Variants in ATXN1 observed in about 807,000 individuals in gnomAD.
The protein encoded by ATXN1 is ataxin 1, also known as ataxin-1.
A neutral mutation model predicts 56.4 loss-of-function variants in ATXN1; 8 were observed. The observed-to-expected ratio is 0.14, with a 90% confidence interval of 0.08 to 0.26. The LOEUF (loss-of-function observed/expected upper bound fraction) is 0.26. Among genes scored for constraint, ATXN1 ranks in the 10% least tolerant of loss-of-function variants. ATXN1 has a pLI of 1.00. For missense variants in ATXN1, 987 were observed against 1,106.5 expected (o/e 0.89, Z 1.53); for synonymous variants, 514 against 494.6 (o/e 1.04, Z -0.52).
At chr6:16,488,901 A>C (rs1395158357) in intron 5 of ATXN1, among the ~76,000 whole-genome samples, 1 of 152,210 alleles carries the variant, frequency 6.6e-6, no homozygotes, top group East Asian at 1.9e-4. Flanking sequence ...AGAGAGAACA[A>C]GAAAAAGCAC....
chr6:16,628,949 A>G (rs773027273), intron 3 of ATXN1, among the ~76,000 whole-genome samples: 13 of 152,118 alleles, frequency 8.5e-5, no homozygotes, highest in Non-Finnish European at 1.8e-4. Context: ...GTCTAAATTT[A>G]TGGTAGAATG....
intron 6 of ATXN1, among the ~76,000 whole-genome samples, chr6:16,482,054 T>TGGATCTCACATCAAGTGAGA (rs1331365142): frequency 2.8e-4 from 42 of 152,136 alleles, no homozygotes; most frequent in African/African-American, 9.2e-4. Flanking sequence ...TCACATTTCT[T>TGGATCTCACATCAAGTGAGA]TATACACATC....
chr6:16,648,535 A>C (rs911336312), intron 3 of ATXN1, among the ~76,000 whole-genome samples: 1 of 152,226 alleles, frequency 6.6e-6, no homozygotes, highest in African/African-American at 2.4e-5. Context: ...AGCTAAAGGG[A>C]AACTGGGAGT....
rs1474983700 is a variant in ATXN1, at chr6:16,327,777, G to A, written c.534C>T (p.Ser178=). The change falls in exon 7 of 8, where the codon TCC becomes TCT. Residue 178 remains serine, a synonymous_variant. Transcript: ENST00000436367. ...PSQRSQLEAY[S]TLLANMGSLS... ...GACTGCCCATGTTGGCCAGCAGAGT[G>A]GAATAGGCCTCCAGCTGGGAGCGCT... 1 of 1,610,076 alleles carries A rather than the reference G, an allele frequency of 6.2e-7. No individual in the cohort carries two copies. Among genetic ancestry groups the A allele is most frequent in the Non-Finnish European group, 8.5e-7 (1 of 1,179,952 alleles).
intron 6 of ATXN1, among the ~76,000 whole-genome samples, chr6:16,348,138 T>C (rs1026509120): frequency 2.6e-5 from 4 of 152,206 alleles, no homozygotes; most frequent in African/African-American, 9.7e-5. Flanking sequence ...AGCACAACCA[T>C]AGTTTACTGT....
chr6:16,668,785 T>A (rs947673598), intron 2 of ATXN1, among the ~76,000 whole-genome samples: 1 of 151,814 alleles, frequency 6.6e-6, no homozygotes, highest in African/African-American at 2.4e-5. Flanking sequence ...TATTTTATTT[T>A]ATTTTTTATT....
chr6:16,347,968 C>T (rs911625248), intron 6 of ATXN1, among the ~76,000 whole-genome samples: 8 of 152,208 alleles, frequency 5.3e-5, no homozygotes, highest in Admixed American at 5.2e-4. Context: ...CCGGAAAGGT[C>T]TGCAGCTTCA....
chr6:16,568,659 CA>C (rs1762274964), intron 4 of ATXN1, among the ~76,000 whole-genome samples: 2 of 113,914 alleles, frequency 1.8e-5, no homozygotes, highest in South Asian at 8.1e-4. Flanking sequence ...TGGAAACAAC[CA>C]AAGTTTTTTT....
chr6:16,357,855 A>G (rs1048075952), intron 6 of ATXN1, among the ~76,000 whole-genome samples: 1 of 152,234 alleles, frequency 6.6e-6, no homozygotes, highest in African/African-American at 2.4e-5. Flanking sequence ...CACAGAATGG[A>G]CAGAGTGCTA....
rs528067854 is a variant in ATXN1, at chr6:16,760,063, C to A, written c.-730+1235G>T. ...CGCTCCGACACCGCCTCACCTCTCGCTCCGCCCGTCCGGCCCCCTTCCCTG... is the reference window on the plus strand; with the variant it reads ...CGCTCCGACACCGCCTCACCTCTCGATCCGCCCGTCCGGCCCCCTTCCCTG... On this transcript the variant is annotated intron_variant, in intron 1 of 7. Transcript: ENST00000436367. The surrounding 1 kb of genome is among the most constrained non-coding windows in gnomAD (Gnocchi z 5.3). 2.0e-5 allele frequency among the ~76,000 whole-genome samples: 3 copies of A among 152,092 alleles called. No individual in the cohort carries two copies. In the East Asian group the frequency reaches 5.9e-4, roughly 30 times the overall value.
chr6:16,710,893 T>A (rs952486405), intron 2 of ATXN1, among the ~76,000 whole-genome samples: 1 of 151,898 alleles, frequency 6.6e-6, no homozygotes, highest in Non-Finnish European at 1.5e-5. Flanking sequence ...CAGCCTATTA[T>A]TATTATTTTT....
At chr6:16,446,361 T>C (rs61006601) in intron 6 of ATXN1, among the ~76,000 whole-genome samples, 177 of 152,366 alleles carry the variant, frequency 1.2e-3, no homozygotes, top group African/African-American at 4.1e-3. Flanking sequence ...GATATTTCTA[T>C]AACACAAAGT....
At chr6:16,677,553 T>G (rs1294822813) in intron 2 of ATXN1, among the ~76,000 whole-genome samples, 1 of 152,182 alleles carries the variant, frequency 6.6e-6, no homozygotes, top group Non-Finnish European at 1.5e-5. Context: ...ACTTGTATAG[T>G]AGAATTTTTT....
chr6:16,656,538 G>A (rs1758205882), intron 3 of ATXN1, among the ~76,000 whole-genome samples: 1 of 152,114 alleles, frequency 6.6e-6, no homozygotes, highest in South Asian at 2.1e-4. Context: ...GTTGGTGTAT[G>A]CTCTGGAATG....
chr6:16,546,464 C>T (rs1407705626), intron 4 of ATXN1, among the ~76,000 whole-genome samples: 1 of 152,148 alleles, frequency 6.6e-6, no homozygotes, highest in Non-Finnish European at 1.5e-5. Flanking sequence ...TCCCATCTCT[C>T]TTGTACTTAC....
chr6:16,484,865 G>C (rs1760508639), intron 6 of ATXN1, among the ~76,000 whole-genome samples: 1 of 150,640 alleles, frequency 6.6e-6, no homozygotes, highest in African/African-American at 2.4e-5. Flanking sequence ...TACAAATCTT[G>C]TAGGCAACTG....
At chr6:16,674,242 C>T (rs576613829) in intron 2 of ATXN1, among the ~76,000 whole-genome samples, 17 of 152,196 alleles carry the variant, frequency 1.1e-4, no homozygotes, top group African/African-American at 4.1e-4. Context: ...TGACCCGCAG[C>T]CCAACCTAGC....
At chr6:16,562,287 C>T (rs1762133094) in intron 4 of ATXN1, among the ~76,000 whole-genome samples, 2 of 150,122 alleles carry the variant, frequency 1.3e-5, no homozygotes, top group African/African-American at 2.5e-5. Context: ...ATGGGAAGAT[C>T]ACTTGAGCCC....
At chr6:16,446,466 G>T (rs971696921) in intron 6 of ATXN1, among the ~76,000 whole-genome samples, 4 of 152,164 alleles carry the variant, frequency 2.6e-5, no homozygotes, top group African/African-American at 9.7e-5. Flanking sequence ...CCTGACATCA[G>T]CTTACTCGGG....
Sources: gnomAD v4.1 joint callset for allele counts (sites outside exome capture counted in the v4.1 genomes callset) on GRCh38, gnomAD v4.1.1 for gene constraint, Gnocchi (gnomAD v3.1) non-coding constraint, MANE v1.5 for transcripts, NCBI Gene and HGNC (gene_info 2026-07-23, HGNC 2026-07-21) for gene names.